The following SYNPO variants were observed in gnomAD, a reference collection of about 807,000 sequenced individuals.
SYNPO encodes the protein synaptopodin.
In SYNPO, 19 loss-of-function variants were observed where a neutral mutation model predicts 49.5. The observed-to-expected ratio is 0.38, with a 90% CI of 0.27 to 0.56. SYNPO has a LOEUF of 0.56. Ranked by LOEUF, SYNPO falls within the 20% of genes least tolerant of loss-of-function variation. SYNPO has a pLI of 0.68. For synonymous variants in SYNPO, 536 were observed against 548.0 expected (o/e 0.98, Z 0.31); for missense variants, 1,131 against 1,248.3 (o/e 0.91, Z 1.42).
rs986364265 is a variant in SYNPO at position 150,658,209 on chromosome 5, G to T, written c.*1122G>T. 4.6e-5 allele frequency: 7 copies of T among 152,346 alleles called. No homozygotes were observed. The highest frequency in any genetic ancestry group is 2.9e-5 in the Non-Finnish European group (2 of 68,074). 9.4% of individuals were successfully genotyped at this position (152,346 alleles called of 1,614,324 possible). A position where few individuals can be genotyped will look rare whatever the true frequency, so the allele number is the denominator to read the frequency against. On this transcript the variant is annotated 3_prime_UTR_variant, in exon 3 of 3. Coordinates refer to ENST00000307662, the MANE Select transcript of SYNPO (RefSeq NM_007286.6). Reference sequence around the variant, plus strand: ...ATTCCATGATATTAGGAAGTCGGGGGTGGGTGGTGGTGGTGGGCTAGTTGG... The same window carrying T: ...ATTCCATGATATTAGGAAGTCGGGGTTGGGTGGTGGTGGTGGGCTAGTTGG...
the SYNPO span, among the ~76,000 whole-genome samples, chr5:150,586,377 C>T: frequency 3.9e-5 from 6 of 152,252 alleles, no homozygotes; most frequent in African/African-American, 1.4e-4. Context: ...TTGTCAAATG[C>T]CGTCTCATCT....
At chr5:150,604,765 C>T (rs1248053762) in intron 1 of SYNPO, among the ~76,000 whole-genome samples, 1 of 152,202 alleles carries the variant, frequency 6.6e-6, no homozygotes, top group Non-Finnish European at 1.5e-5. Flanking sequence ...CACACTGCGG[C>T]TGGCACTGAA....
At chr5:150,632,345 T>G (rs563965822) in intron 2 of SYNPO, among the ~76,000 whole-genome samples, 2 of 152,326 alleles carry the variant, frequency 1.3e-5, no homozygotes, top group African/African-American at 4.8e-5. Flanking sequence ...TGAGAAGCGC[T>G]ATTCTAGGTC....
intron 2 of SYNPO, among the ~76,000 whole-genome samples, chr5:150,625,060 AC>A (rs1318853346): frequency 6.6e-6 from 1 of 152,104 alleles, no homozygotes; most frequent in Non-Finnish European, 1.5e-5. Context: ...TCGCTTCTAC[AC>A]TTTGGGCCTC....
chr5:150,626,231 A>G (rs747087158), intron 2 of SYNPO, among the ~76,000 whole-genome samples: 1 of 152,050 alleles, frequency 6.6e-6, no homozygotes, highest in African/African-American at 2.4e-5. Context: ...TACTTGCCAT[A>G]TTGTCTCAGG....
chr5:150,591,551 T>G, the SYNPO span, among the ~76,000 whole-genome samples: 1 of 152,208 alleles, frequency 6.6e-6, no homozygotes, highest in Non-Finnish European at 1.5e-5. Context: ...GCCTTCGCCT[T>G]CCTGTTTTTT....
Position 150,657,099 on chromosome 5 carries a change from C to G in SYNPO, c.*12C>G, listed in dbSNP as rs768588411. ...CCTGCACCACCTAGAGCCCCACCCC[C>G]GACCCCACCCCGGGAGGGCAGAGCC... On this transcript the variant is annotated 3_prime_UTR_variant, in exon 3 of 3. Transcript: ENST00000307662. 1.2e-5 allele frequency: 19 copies of G among 1,550,214 alleles called. No individual in the cohort carries two copies. The South Asian group carries it at 1.9e-4, about 15-fold the overall frequency.
At position 150,649,579 on chromosome 5, in the gene SYNPO, C is replaced by G. The variant is rs751340751; in HGVS notation, c.1304C>G (p.Ala435Gly). The G allele has an allele frequency of 6.2e-7, 1 of 1,610,274 alleles. No individual in the cohort carries two copies. Among genetic ancestry groups the G allele is most frequent in the Admixed American group, 1.7e-5 (1 of 59,834 alleles). ...GCCTCCAACTTCCAGCAGGAGCCAGCACCTCGTGACAGGGCCAGCCCCGCG... is the reference window on the plus strand; with the variant it reads ...GCCTCCAACTTCCAGCAGGAGCCAGGACCTCGTGACAGGGCCAGCCCCGCG... ...AEASNFQQEP[A>G]PRDRASPAAA... The change falls in exon 2 of 3, where the codon GCA becomes GGA. Residue 435 changes from alanine to glycine, a missense_variant. By Grantham distance (60) the Ala-to-Gly change is moderately conservative. Coordinates refer to ENST00000307662, the MANE Select transcript of SYNPO (RefSeq NM_007286.6).
upstream of SYNPO, among the ~76,000 whole-genome samples, chr5:150,635,968 C>A (rs1275295962): frequency 1.3e-5 from 2 of 152,196 alleles, no homozygotes; most frequent in African/African-American, 4.8e-5. Flanking sequence ...GTTATCATAT[C>A]TACCTTTGCA....
intron 1 of SYNPO, among the ~76,000 whole-genome samples, chr5:150,644,189 G>T (rs1758010098): frequency 6.8e-6 from 1 of 147,532 alleles, no homozygotes; most frequent in African/African-American, 2.5e-5. Flanking sequence ...AAAAAAAAAA[G>T]TGATTGGAAG....
chr5:150,628,186 G>A (rs1347713408), intron 2 of SYNPO, among the ~76,000 whole-genome samples: 3 of 152,150 alleles, frequency 2.0e-5, no homozygotes, highest in South Asian at 2.1e-4. Context: ...GCTTACACAA[G>A]CCCTCTGTTT....
intron 1 of SYNPO, among the ~76,000 whole-genome samples, chr5:150,605,939 C>G (rs1173487803): frequency 6.6e-6 from 1 of 152,110 alleles, no homozygotes; most frequent in Admixed American, 6.5e-5. Flanking sequence ...ACATATACAT[C>G]ACACTTACAC....
the SYNPO span, among the ~76,000 whole-genome samples, chr5:150,589,311 A>C: frequency 6.6e-6 from 1 of 152,052 alleles, no homozygotes; most frequent in Non-Finnish European, 1.5e-5. Context: ...TGATCCACCC[A>C]CATCAGCCTC....
intron 1 of SYNPO, among the ~76,000 whole-genome samples, chr5:150,604,989 C>T (rs928427255): frequency 6.6e-6 from 1 of 152,330 alleles, no homozygotes; most frequent in Non-Finnish European, 1.5e-5. Flanking sequence ...CCCACCACGT[C>T]TGTGTTTCCT....
chr5:150,640,054 A>T, upstream of SYNPO: 1 of 832,304 alleles, frequency 1.2e-6, no homozygotes, highest in Non-Finnish European at 1.4e-6. Flanking sequence ...CTTCTCTAAT[A>T]TGGAGATGAG....
At chr5:150,597,838 A>G (rs1265259984), upstream of SYNPO, among the ~76,000 whole-genome samples, 1 of 152,024 alleles carries the variant, frequency 6.6e-6, no homozygotes, top group African/African-American at 2.4e-5. Flanking sequence ...GGGTTTCACC[A>G]TCTTGCTCAG....
chr5:150,638,534 TCAACA>T (rs1162377628), upstream of SYNPO, among the ~76,000 whole-genome samples: 1 of 152,366 alleles, frequency 6.6e-6, no homozygotes. Context: ...GTTTATTTAA[TCAACA>T]CAGTGATGGT....
At position 150,649,353 on chromosome 5, in the gene SYNPO, C is replaced by T; in HGVS notation, c.1078C>T (p.Pro360Ser). 1 of 1,614,194 alleles carries T rather than the reference C, an allele frequency of 6.2e-7. No individual in the cohort carries two copies. Reference protein sequence around the residue: ...KSSHLKGQAVPASKTGILEES... With the variant: ...KSSHLKGQAVSASKTGILEES... The stretch of plus-strand genomic sequence containing the variant: ...TTCTCATCTGAAGGGCCAGGCGGTT[C>T]CTGCCAGCAAGACGGGCATTCTGGA... The change falls in exon 2 of 3, where the codon CCT becomes TCT. Residue 360 changes from proline to serine, a missense_variant. By Grantham distance (74) the Pro-to-Ser change is moderately conservative. Transcript: ENST00000307662.
chr5:150,598,856 GTGCAGGCTGACA>G (rs1201125850), upstream of SYNPO, among the ~76,000 whole-genome samples: 2 of 152,102 alleles, frequency 1.3e-5, no homozygotes, highest in African/African-American at 4.8e-5. Flanking sequence ...AGGCCTGAAG[GTGCAGGCTGACA>G]TGGTGGGGGG....
Sources: gnomAD v4.1 joint callset for allele counts (sites outside exome capture counted in the v4.1 genomes callset) on GRCh38, gnomAD v4.1.1 for gene constraint, MANE v1.5 for transcripts, NCBI Gene and HGNC (gene_info 2026-07-23, HGNC 2026-07-21) for gene names.